Variants in NFIA observed in about 807,000 individuals in gnomAD.
NFIA encodes nuclear factor 1 A-type.
In NFIA, 8 loss-of-function variants were observed where a neutral mutation model predicts 62.8. The ratio of observed to expected loss-of-function variants is 0.13; its 90% confidence interval spans 0.07 to 0.23. The LOEUF (loss-of-function observed/expected upper bound fraction) is 0.23, where lower values mean the gene tolerates loss of function less well. Ranked by LOEUF, NFIA falls within the 10% of genes least tolerant of loss-of-function variation. The probability of loss-of-function intolerance (pLI) is 1.00; values close to 1 mark genes in which losing one functional copy is unlikely to be tolerated. For synonymous variants in NFIA, 235 were observed against 238.1 expected (o/e 0.99, Z 0.12); for missense variants, 410 against 642.1 (o/e 0.64, Z 3.91).
intron 7 of NFIA, among the ~76,000 whole-genome samples, chr1:61,398,224 A>G (rs534707455): frequency 2.0e-5 from 3 of 152,260 alleles, no homozygotes; most frequent in African/African-American, 7.2e-5. Context: ...CAGAGACCAT[A>G]TAGCCTGCAA....
intron 2 of NFIA, among the ~76,000 whole-genome samples, chr1:61,211,393 A>C (rs1258932144): frequency 6.6e-6 from 1 of 152,236 alleles, no homozygotes; most frequent in Non-Finnish European, 1.5e-5. Context: ...ACAATTTATT[A>C]GTAATGATAA....
chr1:61,462,109 C>G lies in NFIA; in HGVS notation c.*6789C>G, dbSNP rs928799307. 12 of 142,996 alleles carry G rather than the reference C, an allele frequency of 8.4e-5. No individual in the cohort carries two copies. The highest frequency in any genetic ancestry group is 3.1e-4 in the African/African-American group (12 of 38,102). The allele number at this position is 142,996 out of a possible 1,614,324, so 8.9% of individuals were successfully genotyped here. On this transcript the variant is annotated 3_prime_UTR_variant, in exon 11 of 11. Coordinates refer to ENST00000403491, the MANE Select transcript of NFIA (RefSeq NM_001134673.4). ...ACCGAAGGTCATAAGGCCGCTAGCT[C>G]CGCTGGGACAGAGGCTTGAGAGAAC...
chr1:61,118,815 A>G (rs1646838169), intron 2 of NFIA, among the ~76,000 whole-genome samples: 1 of 152,026 alleles, frequency 6.6e-6, no homozygotes, highest in East Asian at 1.9e-4. Context: ...CAGAATAGGC[A>G]GTGGTGGTAA....
chr1:61,452,282 AG>A (rs1668093308), intron 10 of NFIA, among the ~76,000 whole-genome samples: 1 of 151,466 alleles, frequency 6.6e-6, no homozygotes, highest in Non-Finnish European at 1.5e-5. Flanking sequence ...TATTATTATT[AG>A]AACTATCTGC....
At position 61,225,644 on chromosome 1, in the gene NFIA, C is replaced by G. The variant is rs1363212759; in HGVS notation, c.560-51876C>G. On this transcript the variant is annotated intron_variant, in intron 2 of 10. Coordinates refer to ENST00000403491, the MANE Select transcript of NFIA (RefSeq NM_001134673.4). ...ATCACCAAAAGGAAGTTTGCTTGTT[C>G]GTATCTACGATTGACATCTTCAGTA... 2.1e-5 allele frequency among the ~76,000 whole-genome samples: 3 copies of G among 142,166 alleles called. No individual in the cohort carries two copies. In the South Asian group the frequency reaches 6.6e-4, roughly 31 times the overall value. 93.3% of individuals were successfully genotyped at this position (142,166 alleles called of 152,430 possible).
chr1:61,446,046 G>A (rs1667795315), intron 10 of NFIA, among the ~76,000 whole-genome samples: 1 of 151,960 alleles, frequency 6.6e-6, no homozygotes, highest in South Asian at 2.1e-4. Flanking sequence ...AATGATTCCT[G>A]GCACCAGTGA....
chr1:61,434,262 G>A (rs762202464), intron 10 of NFIA, among the ~76,000 whole-genome samples: 10 of 152,062 alleles, frequency 6.6e-5, no homozygotes, highest in South Asian at 2.1e-4. Context: ...ATTTTTTCTC[G>A]TATGTTCTCA....
chr1:61,087,653 G>C (rs1646241942), intron 1 of NFIA, among the ~76,000 whole-genome samples: 1 of 152,170 alleles, frequency 6.6e-6, no homozygotes. Flanking sequence ...ATTGATTGTA[G>C]AGATGATTTT....
At chr1:61,095,394 A>G (rs1038493105) in intron 2 of NFIA, among the ~76,000 whole-genome samples, 2 of 152,224 alleles carry the variant, frequency 1.3e-5, no homozygotes, top group Non-Finnish European at 2.9e-5. Context: ...GCCAGGTTAC[A>G]TGTCCAGAGC....
chr1:61,234,141 G>T (rs1654840195), intron 2 of NFIA, among the ~76,000 whole-genome samples: 1 of 151,992 alleles, frequency 6.6e-6, no homozygotes, highest in African/African-American at 2.4e-5. Context: ...GCCGAGGCGG[G>T]CGGATCACCT....
At chr1:61,172,627 C>T (rs1219713998) in intron 2 of NFIA, among the ~76,000 whole-genome samples, 1 of 152,208 alleles carries the variant, frequency 6.6e-6, no homozygotes, top group African/African-American at 2.4e-5. Flanking sequence ...GTGTTCTAGA[C>T]TAGGGAAGGT....
At chr1:61,313,998 C>T (rs751782955) in intron 3 of NFIA, among the ~76,000 whole-genome samples, 2 of 152,190 alleles carry the variant, frequency 1.3e-5, no homozygotes, top group South Asian at 2.1e-4. Flanking sequence ...CAGGAAATAA[C>T]ACATGGCAAA....
chr1:61,439,058 AT>A, intron 10 of NFIA, among the ~76,000 whole-genome samples: 1 of 150,394 alleles, frequency 6.6e-6, no homozygotes, highest in Non-Finnish European at 1.5e-5. Flanking sequence ...ATATGCGTCC[AT>A]CTAGTCCAGA....
intron 7 of NFIA, among the ~76,000 whole-genome samples, chr1:61,387,478 T>TGTGTTTG (rs1553180854): frequency 7.0e-6 from 1 of 142,810 alleles, no homozygotes; most frequent in Non-Finnish European, 1.5e-5. Context: ...CTTTTTTTTT[T>TGTGTTTG]TTTTTTTTTT....
intron 4 of NFIA, among the ~76,000 whole-genome samples, chr1:61,341,758 G>A (rs1385037888): frequency 2.6e-5 from 4 of 152,210 alleles, no homozygotes; most frequent in African/African-American, 4.8e-5. Flanking sequence ...GATTACAGGC[G>A]TGAGCCAGTG....
chr1:61,125,136 T>A (rs992239528), intron 2 of NFIA: 1 of 152,236 alleles, frequency 6.6e-6, no homozygotes, highest in African/African-American at 2.4e-5. Flanking sequence ...ATTCCCTCTT[T>A]ATAAAACTAT....
intron 2 of NFIA, among the ~76,000 whole-genome samples, chr1:61,169,763 T>C (rs1240590410): frequency 1.3e-5 from 2 of 152,176 alleles, no homozygotes; most frequent in African/African-American, 4.8e-5. Context: ...GAATTCCCAG[T>C]TGGTAGAAAT....
upstream of NFIA, chr1:61,082,413 G>T (rs1371137738): frequency 8.7e-6 from 8 of 922,760 alleles, no homozygotes; most frequent in East Asian, 5.9e-4. Context: ...GCGGCTGTGC[G>T]GTGCGGTGCA....
At chr1:61,138,874 G>A (rs1647295626) in intron 2 of NFIA, among the ~76,000 whole-genome samples, 2 of 150,998 alleles carry the variant, frequency 1.3e-5, no homozygotes, top group African/African-American at 4.9e-5. Context: ...GAGCCACCGT[G>A]CCTGGCTAGA....
Sources: allele counts gnomAD v4.1 joint callset (sites outside exome capture counted in the v4.1 genomes callset), GRCh38; gene constraint gnomAD v4.1.1; transcripts MANE v1.5; gene names NCBI Gene and HGNC (gene_info 2026-07-23, HGNC 2026-07-21).